The following SLCO2A1 variants were observed in gnomAD, a reference collection of about 807,000 sequenced individuals.
SLCO2A1 encodes the protein solute carrier organic anion transporter family member 2A1.
A neutral mutation model predicts 71.7 loss-of-function variants in SLCO2A1; 60 were observed. The observed-to-expected ratio is 0.84, with a 90% CI of 0.68 to 1.04. The LOEUF (loss-of-function observed/expected upper bound fraction) is 1.04. SLCO2A1 is among the 50% of genes least tolerant of loss of function. The pLI is 0.00. For missense variants in SLCO2A1, 745 were observed against 813.4 expected (o/e 0.92, Z 1.02); for synonymous variants, 308 against 326.7 (o/e 0.94, Z 0.62).
Position 133,951,314 on chromosome 3 carries a change from CG to C in SLCO2A1, c.754del (p.Arg252AspfsTer8), listed in dbSNP as rs35799156. The C allele has an allele frequency of 4.3e-6, 7 of 1,613,986 alleles. No individual in the cohort carries two copies. Among genetic ancestry groups the C allele is most frequent in the Non-Finnish European group, 5.1e-6 (6 of 1,180,016 alleles). Reference sequence around the variant, plus strand: ...GCCTAGCCACCAGGCTCCAATCCATCGGGGGTCACCCGGGACCAAGTTAACT... The same window carrying C: ...GCCTAGCCACCAGGCTCCAATCCATCGGGGTCACCCGGGACCAAGTTAACT... ...AAVNLVPGDP[R>X]WIGAWWLGLL... is the part of the protein sequence containing the mutation. On this transcript the variant is annotated frameshift_variant, in exon 6 of 14. Transcript: ENST00000310926. LOFTEE classifies it high-confidence loss of function.
intron 1 of SLCO2A1, among the ~76,000 whole-genome samples, chr3:134,017,857 G>T (rs933384954): frequency 1.3e-5 from 2 of 152,120 alleles, no homozygotes; most frequent in African/African-American, 4.8e-5. Context: ...GAAGGCAAAG[G>T]GAAGCCACGT....
chr3:133,955,144 G>T lies in SLCO2A1; in HGVS notation c.447C>A (p.Asp149Glu). ...TGCTGTGGCACTTACTGGGAGGCAG[G>T]TCCTGCCAATGCTTCTGGCAGAGCT... ...QAELCQKHWQ[D>E]LPPSKCHSTT... is the part of the protein sequence containing the mutation. Residue 149 changes from aspartate (D) to glutamate (E), a missense_variant, in exon 4 of 14, where the codon GAC (aspartate) becomes GAA (glutamate). Transcript: ENST00000310926. 6.2e-7 allele frequency: 1 copy of T among 1,614,098 alleles called. No homozygotes were observed. Among genetic ancestry groups the T allele is most frequent in the Non-Finnish European group, 8.5e-7 (1 of 1,180,004 alleles).
intron 1 of SLCO2A1, among the ~76,000 whole-genome samples, chr3:134,027,779 A>G (rs1935728220): frequency 6.6e-6 from 1 of 152,254 alleles, no homozygotes; most frequent in Non-Finnish European, 1.5e-5. Context: ...CCAGGAGGGA[A>G]AGGTGCAAGT....
intron 1 of SLCO2A1, among the ~76,000 whole-genome samples, chr3:134,010,290 G>T (rs566027889): frequency 2.0e-5 from 3 of 152,188 alleles, no homozygotes; most frequent in East Asian, 3.9e-4. Flanking sequence ...AAACAAAAGG[G>T]GTTTAATTGA....
intron 1 of SLCO2A1, among the ~76,000 whole-genome samples, chr3:133,998,408 C>T (rs1337094639): frequency 2.0e-5 from 3 of 152,250 alleles, no homozygotes; most frequent in African/African-American, 7.2e-5. Context: ...CTGCCTCCCC[C>T]TGCTCCCACC....
chr3:133,999,867 G>A (rs1011822656), intron 1 of SLCO2A1, among the ~76,000 whole-genome samples: 8 of 152,166 alleles, frequency 5.3e-5, no homozygotes, highest in Admixed American at 2.0e-4. Flanking sequence ...GAGAAGCTAC[G>A]GAATTTTATC....
At chr3:134,019,028 G>C (rs960543352) in intron 1 of SLCO2A1, among the ~76,000 whole-genome samples, 4 of 152,196 alleles carry the variant, frequency 2.6e-5, no homozygotes, top group Non-Finnish European at 5.9e-5. Context: ...TGAAGCCACT[G>C]CTGCTCCCCT....
At chr3:134,024,725 C>G (rs2108081303) in intron 1 of SLCO2A1, among the ~76,000 whole-genome samples, 1 of 152,296 alleles carries the variant, frequency 6.6e-6, no homozygotes, top group Admixed American at 6.5e-5. Flanking sequence ...TAGGCAAAAC[C>G]TGAATATAAA....
At position 133,947,405 on chromosome 3, in the gene SLCO2A1, A is replaced by G. The variant is rs1311732439; in HGVS notation, c.1146T>C (p.Phe382=). ...NLPAAALGML[F]GGILMKRFVF... ...CAAAGCGCTTCATGAGGATTCCTCCAAACAGCATCCCCAAGGCTGCAGCAG... is the reference window on the plus strand; with the variant it reads ...CAAAGCGCTTCATGAGGATTCCTCCGAACAGCATCCCCAAGGCTGCAGCAG... Residue 382 remains phenylalanine (F), a synonymous_variant, in exon 9 of 14, where the codon TTT becomes TTC. Transcript: ENST00000310926. The G allele has an allele frequency of 8.7e-6, 14 of 1,613,978 alleles. No homozygotes were observed. The highest frequency in any genetic ancestry group is 1.2e-5 in the Non-Finnish European group (14 of 1,180,000).
intron 1 of SLCO2A1, among the ~76,000 whole-genome samples, chr3:134,011,419 A>G (rs1241404332): frequency 1.3e-5 from 2 of 152,200 alleles, no homozygotes; most frequent in Non-Finnish European, 1.5e-5. Context: ...AGGACTGAAG[A>G]AGAAGGAGGC....
At chr3:133,967,376 G>C (rs1934205305) in intron 3 of SLCO2A1, among the ~76,000 whole-genome samples, 2 of 152,208 alleles carry the variant, frequency 1.3e-5, no homozygotes, top group South Asian at 4.1e-4. Flanking sequence ...CAGGCCCTCA[G>C]AGAGGCTGTC....
At chr3:133,968,571 T>C (rs1301223278) in intron 3 of SLCO2A1, among the ~76,000 whole-genome samples, 1 of 152,204 alleles carries the variant, frequency 6.6e-6, no homozygotes, top group East Asian at 1.9e-4. Flanking sequence ...TCTTGTCTGC[T>C]CCAAAAATAC....
intron 1 of SLCO2A1, among the ~76,000 whole-genome samples, chr3:134,020,206 G>A (rs1487453138): frequency 6.6e-6 from 1 of 152,106 alleles, no homozygotes; most frequent in East Asian, 1.9e-4. Flanking sequence ...CCCTTAAAAA[G>A]GACAGGAATT....
Position 133,955,022 on chromosome 3 carries a change from A to T in SLCO2A1, c.569T>A (p.Phe190Tyr). 6 of 1,614,122 alleles carry T rather than the reference A, an allele frequency of 3.7e-6. No homozygotes were observed. The highest frequency in any genetic ancestry group is 5.1e-6 in the Non-Finnish European group (6 of 1,180,024). Residue 190 changes from phenylalanine (F) to tyrosine (Y), a missense_variant, in exon 4 of 14, where the codon TTT becomes TAT. Coordinates refer to ENST00000310926, the MANE Select transcript of SLCO2A1 (RefSeq NM_005630.3). ...AGIGTVPIQP[F>Y]GISYVDDFSE... ...GAAGTCATCCACATAGGAGATCCCA[A>T]ATGGCTGAATAGGCACTGTCCCGAT... is the stretch of plus-strand genomic sequence containing the variant.
intron 1 of SLCO2A1, among the ~76,000 whole-genome samples, chr3:134,001,120 CTT>C (rs748857824): frequency 2.1e-5 from 3 of 145,204 alleles, no homozygotes; most frequent in Admixed American, 1.4e-4. Context: ...AGTCTTTGGT[CTT>C]TTTTTTTTTT....
chr3:133,986,281 A>G (rs560160067), intron 1 of SLCO2A1, among the ~76,000 whole-genome samples: 1 of 151,618 alleles, frequency 6.6e-6, no homozygotes, highest in South Asian at 2.1e-4. Flanking sequence ...TGTTTTTTCA[A>G]TCATGAGCGT....
At chr3:133,979,342 G>C (rs1015918460) in intron 2 of SLCO2A1, 139 bp downstream of exon 2, 1 of 1,093,418 alleles carries the variant, frequency 9.1e-7, no homozygotes, top group African/African-American at 1.5e-5. Flanking sequence ...GATCTTTGCT[G>C]TTTCGTTTGC....
In SLCO2A1 at chr3:133,997,926, G is replaced by C. The variant is rs548190933; in HGVS notation, c.97-18308C>G. On this transcript the variant is annotated intron_variant, in intron 1 of 13. Transcript: ENST00000310926. ...TCTCACATGTGAGGTGGTGATAACAGTAGTGACTGTCTAGGAGTGTTTGGA... is the reference window on the plus strand; with the variant it reads ...TCTCACATGTGAGGTGGTGATAACACTAGTGACTGTCTAGGAGTGTTTGGA... 5.3e-5 allele frequency among the ~76,000 whole-genome samples: 8 copies of C among 152,356 alleles called. No homozygotes were observed. In the South Asian group the frequency reaches 1.7e-3, roughly 32 times the overall value.
At chr3:133,960,164 A>T (rs922911185) in intron 3 of SLCO2A1, among the ~76,000 whole-genome samples, 1 of 150,606 alleles carries the variant, frequency 6.6e-6, no homozygotes, top group African/African-American at 2.4e-5. Flanking sequence ...AAATACTAAT[A>T]AAGATAGAAT....
Sources: allele counts gnomAD v4.1 joint callset (sites outside exome capture counted in the v4.1 genomes callset), GRCh38; gene constraint gnomAD v4.1.1; transcripts MANE v1.5; gene names NCBI Gene and HGNC (gene_info 2026-07-23, HGNC 2026-07-21).